Variants in DACH1 observed in about 807,000 individuals in gnomAD.
The protein encoded by DACH1 is dachshund homolog 1.
In DACH1, 12 loss-of-function variants were observed where a neutral mutation model predicts 54.2. The observed-to-expected ratio is 0.22, with a 90% CI of 0.14 to 0.36. The LOEUF (loss-of-function observed/expected upper bound fraction) is 0.36, where lower values mean the gene tolerates loss of function less well. DACH1 is among the 10% of genes least tolerant of loss of function. The pLI is 1.00. For missense variants in DACH1, 805 were observed against 929.8 expected, an observed-to-expected ratio of 0.87 and a Z score of 1.75; for synonymous variants, 386 against 366.2, an observed-to-expected ratio of 1.05 and a Z score of -0.62.
chr13:71,575,602 T>G (rs980274150), intron 3 of DACH1, among the ~76,000 whole-genome samples: 7 of 152,070 alleles, frequency 4.6e-5, no homozygotes, highest in Non-Finnish European at 1.0e-4. Context: ...AAATTCTGAT[T>G]AAATCACTCT....
intron 1 of DACH1, among the ~76,000 whole-genome samples, chr13:71,688,616 C>T (rs1566433854): frequency 6.6e-6 from 1 of 152,148 alleles, no homozygotes; most frequent in Non-Finnish European, 1.5e-5. Flanking sequence ...ACTAATGCAT[C>T]AAACAGATTA....
At position 71,656,789 on chromosome 13, in the gene DACH1, A is replaced by C. The variant is rs536452975; in HGVS notation, c.964+25006T>G. On this transcript the variant is annotated intron_variant, in intron 2 of 10. Coordinates refer to ENST00000613252, the MANE Select transcript of DACH1 (RefSeq NM_080759.6). Reference sequence around the variant, plus strand: ...TGAGTTTTCAAGTCAGAATATATATATTCTGACTTGAAAAGTATAGATAGA... The same window carrying C: ...TGAGTTTTCAAGTCAGAATATATATCTTCTGACTTGAAAAGTATAGATAGA... Among the ~76,000 whole-genome samples, 4 of 149,696 alleles carry C rather than the reference A, an allele frequency of 2.7e-5. No homozygotes were observed. The South Asian group carries it at 8.4e-4, about 31-fold the overall frequency.
chr13:71,767,507 G>A (rs982864445), intron 1 of DACH1, among the ~76,000 whole-genome samples: 1 of 152,036 alleles, frequency 6.6e-6, no homozygotes, highest in African/African-American at 2.4e-5. Flanking sequence ...CAGAGATCAA[G>A]CTTCACAGTC....
At chr13:71,560,527 T>C (rs1309437496) in intron 4 of DACH1, among the ~76,000 whole-genome samples, 1 of 152,184 alleles carries the variant, frequency 6.6e-6, no homozygotes, top group African/African-American at 2.4e-5. Context: ...TAAATAATTC[T>C]CAGAGTACCT....
chr13:71,486,733 G>T (rs1465367920), intron 7 of DACH1, among the ~76,000 whole-genome samples: 2 of 151,960 alleles, frequency 1.3e-5, no homozygotes, highest in Non-Finnish European at 2.9e-5. Context: ...ATAAATATAT[G>T]ATAACTGCAT....
chr13:71,748,892 T>TCTCTCTCTCTCTCTC (rs1566476816), intron 1 of DACH1, among the ~76,000 whole-genome samples: 1 of 104,408 alleles, frequency 9.6e-6, no homozygotes, highest in Non-Finnish European at 1.7e-5. Flanking sequence ...CTTTCTTTCT[T>TCTCTCTCTCTCTCTC]TCTTTCTCTT....
chr13:71,635,608 G>GT (rs1877427569), intron 2 of DACH1, among the ~76,000 whole-genome samples: 1 of 151,886 alleles, frequency 6.6e-6, no homozygotes, highest in African/African-American at 2.4e-5. Context: ...ATTGTCCACT[G>GT]GTGTAAACAC....
rs35326383 is a variant in DACH1 at position 71,860,456 on chromosome 13, C to CTTT, written c.848+5463_848+5465dup. 2.2e-3 allele frequency among the ~76,000 whole-genome samples: 293 copies of CTTT among 136,134 alleles called. 5 individuals carry two copies. In the East Asian group the frequency reaches 0.034, roughly 16 times the overall value. The allele number at this position is 136,134 out of a possible 152,430, so 89.3% of individuals were successfully genotyped here. A position where few individuals can be genotyped will look rare whatever the true frequency, so the allele number is the denominator to read the frequency against. On this transcript the variant is annotated intron_variant, in intron 1 of 10. Coordinates refer to ENST00000613252, the MANE Select transcript of DACH1 (RefSeq NM_080759.6). ...TCTAAAGATATATAACTTAATGTGA[C>CTTT]TTTTTTTTTTTTTTTGGTGAACAAG...
At chr13:71,672,731 T>C (rs1308592308) in intron 2 of DACH1, among the ~76,000 whole-genome samples, 2 of 152,168 alleles carry the variant, frequency 1.3e-5, no homozygotes, top group African/African-American at 4.8e-5. Flanking sequence ...CTGCACCTCC[T>C]ACTGGTTAAA....
chr13:71,500,837 T>C (rs138691976), intron 6 of DACH1, among the ~76,000 whole-genome samples: 45 of 152,172 alleles, frequency 3.0e-4, no homozygotes, highest in East Asian at 2.7e-3. Flanking sequence ...AGTCATGCCC[T>C]ACAAATCATA....
chr13:71,470,901 A>T (rs770431184), intron 10 of DACH1, among the ~76,000 whole-genome samples: 1 of 152,130 alleles, frequency 6.6e-6, no homozygotes, highest in Non-Finnish European at 1.5e-5. Context: ...TGAACAAGGA[A>T]CTGCATGTAC....
At chr13:71,496,668 A>G (rs1879470664) in intron 6 of DACH1, among the ~76,000 whole-genome samples, 1 of 152,062 alleles carries the variant, frequency 6.6e-6, no homozygotes, top group Non-Finnish European at 1.5e-5. Flanking sequence ...TATGCAGTCT[A>G]TCCATATAAT....
chr13:71,672,265 C>T (rs1207156035), intron 2 of DACH1, among the ~76,000 whole-genome samples: 3 of 152,080 alleles, frequency 2.0e-5, no homozygotes, highest in Non-Finnish European at 4.4e-5. Flanking sequence ...ATTTTACATG[C>T]AGAATACGTT....
At chr13:71,600,287 A>G (rs1263927722) in intron 3 of DACH1, among the ~76,000 whole-genome samples, 1 of 152,134 alleles carries the variant, frequency 6.6e-6, no homozygotes, top group Non-Finnish European at 1.5e-5. Context: ...AAGCATAAAC[A>G]AAAGTTATAT....
intron 3 of DACH1, among the ~76,000 whole-genome samples, chr13:71,582,282 A>G (rs1872906471): frequency 6.6e-6 from 1 of 152,182 alleles, no homozygotes; most frequent in African/African-American, 2.4e-5. Flanking sequence ...ATGCATTTTT[A>G]TAATATTCAA....
At chr13:71,854,918 C>T (rs1416134749) in intron 1 of DACH1, among the ~76,000 whole-genome samples, 1 of 151,940 alleles carries the variant, frequency 6.6e-6, no homozygotes, top group African/African-American at 2.4e-5. Context: ...AAGGCCAAGG[C>T]AGAAAAATTG....
chr13:71,844,289 T>A (rs996773255), intron 1 of DACH1, among the ~76,000 whole-genome samples: 1 of 152,122 alleles, frequency 6.6e-6, no homozygotes, highest in Non-Finnish European at 1.5e-5. Context: ...AGGTCGTGCA[T>A]AAATAGTACA....
In DACH1 at chr13:71,843,900, T is replaced by A. The variant is rs181143612; in HGVS notation, c.848+22022A>T. ...TTAAACTAGGAACATTTATTCCTTA[T>A]CAATATTTAAATGAGCATACTATTT... is the stretch of plus-strand genomic sequence containing the variant. On this transcript the variant is annotated intron_variant, in intron 1 of 10. Coordinates refer to ENST00000613252, the MANE Select transcript of DACH1 (RefSeq NM_080759.6). 6.6e-4 allele frequency among the ~76,000 whole-genome samples: 100 copies of A among 152,312 alleles called. 1 individual carries two copies. Among genetic ancestry groups the A allele is most frequent in the Middle Eastern group, 3.4e-3 (1 of 294 alleles).
rs543084851 is a variant in DACH1, at chr13:71,587,622, G to A, written c.1127-14610C>T. Among the ~76,000 whole-genome samples the A allele has an allele frequency of 2.0e-4, 30 of 152,054 alleles. No individual in the cohort carries two copies. The South Asian group carries it at 6.0e-3, about 31-fold the overall frequency. ...TCTGTGATTTTTTATGATATTTCAA[G>A]TAATTACCAAATCATGTTTTACTCT... On this transcript the variant is annotated intron_variant, in intron 3 of 10. Coordinates refer to ENST00000613252, the MANE Select transcript of DACH1 (RefSeq NM_080759.6).
Sources: gnomAD v4.1 joint callset for allele counts (sites outside exome capture counted in the v4.1 genomes callset) on GRCh38, gnomAD v4.1.1 for gene constraint, MANE v1.5 for transcripts, NCBI Gene and HGNC (gene_info 2026-07-23, HGNC 2026-07-21) for gene names.